ECT2L: variants seen among roughly 807,000 people sequenced by gnomAD.
ECT2L encodes the protein epithelial cell transforming 2 like.
Under a neutral mutation model 122.8 loss-of-function variants are expected in ECT2L, and 126 were observed. The ratio of observed to expected loss-of-function variants is 1.03; its 90% confidence interval spans 0.89 to 1.19. ECT2L has a LOEUF of 1.19. ECT2L is among the 50% of genes most tolerant of loss of function. The probability of loss-of-function intolerance (pLI) is 0.00; values close to 1 mark genes in which losing one functional copy is unlikely to be tolerated. For missense variants in ECT2L, 1,012 were observed against 1,064.1 expected (o/e 0.95, Z 0.68); for synonymous variants, 385 against 381.8 (o/e 1.01, Z -0.10).
chr6:138,796,755 G>A (rs938628636), intron 1 of ECT2L, among the ~76,000 whole-genome samples: 1 of 152,184 alleles, frequency 6.6e-6, no homozygotes, highest in African/African-American at 2.4e-5. Flanking sequence ...TAAAAATACC[G>A]ATGCTGTGCT....
rs78118604 is a variant in ECT2L at position 138,860,389 on chromosome 6, T to A, written c.1199-2238T>A. Among the ~76,000 whole-genome samples, 978 of 152,234 alleles carry A rather than the reference T, an allele frequency of 6.4e-3. 9 individuals are homozygous for A. The highest frequency in any genetic ancestry group is 0.022 in the African/African-American group (921 of 41,540). On this transcript the variant is annotated intron_variant, in intron 10 of 21. Transcript: ENST00000541398. ...CTAGTTGTTTCTTCACCATTCCTTA[T>A]AACTACTATCCTTTTTCCAGTGAAT...
At chr6:138,798,277 G>A (rs1292921709) in intron 1 of ECT2L, among the ~76,000 whole-genome samples, 2 of 152,182 alleles carry the variant, frequency 1.3e-5, no homozygotes, top group Non-Finnish European at 2.9e-5. Context: ...AGAGGTCAGA[G>A]GATGGAGCTG....
intron 1 of ECT2L, among the ~76,000 whole-genome samples, chr6:138,810,159 T>C (rs1049809337): frequency 6.6e-6 from 1 of 152,214 alleles, no homozygotes; most frequent in Non-Finnish European, 1.5e-5. Flanking sequence ...TTGGCTGGTT[T>C]GTAAGCAGGA....
chr6:138,810,847 C>A (rs1334201444), intron 1 of ECT2L, among the ~76,000 whole-genome samples: 1 of 152,090 alleles, frequency 6.6e-6, no homozygotes. Context: ...TATAGAGAGA[C>A]CCTTGTGAAT....
intron 4 of ECT2L, among the ~76,000 whole-genome samples, chr6:138,832,418 G>T (rs1376949801): frequency 6.6e-6 from 1 of 152,076 alleles, no homozygotes; most frequent in African/African-American, 2.4e-5. Context: ...GAGGCACATG[G>T]GATGGTTCAC....
chr6:138,815,234 G>T (rs1013499700), intron 4 of ECT2L, among the ~76,000 whole-genome samples: 4 of 152,188 alleles, frequency 2.6e-5, no homozygotes, highest in African/African-American at 7.2e-5. Flanking sequence ...AGATTGGAAG[G>T]TCACAATACC....
chr6:138,806,527 T>TTTTTTC (rs1365799853), intron 1 of ECT2L, among the ~76,000 whole-genome samples: 7 of 146,044 alleles, frequency 4.8e-5, no homozygotes, highest in African/African-American at 1.8e-4. Context: ...TTTTTTTTTT[T>TTTTTTC]TTTGAGATGG....
chr6:138,895,556 A>G (rs933021747), intron 20 of ECT2L, among the ~76,000 whole-genome samples: 2 of 149,658 alleles, frequency 1.3e-5, no homozygotes, highest in Non-Finnish European at 2.9e-5. Context: ...AGTAACAATT[A>G]CTAAACATAT....
At chr6:138,876,927 G>C (rs542745602) in intron 14 of ECT2L, among the ~76,000 whole-genome samples, 18 of 152,236 alleles carry the variant, frequency 1.2e-4, no homozygotes, top group Admixed American at 8.5e-4. Flanking sequence ...TGAATCTAAT[G>C]AACACAATGT....
At position 138,844,558 on chromosome 6, in the gene ECT2L, T is replaced by C. The variant is rs199728092; in HGVS notation, c.742T>C (p.Ser248Pro). The C allele has an allele frequency of 6.2e-7, 1 of 1,614,128 alleles. No homozygotes were observed. The highest frequency in any genetic ancestry group is 1.3e-5 in the African/African-American group (1 of 75,032). The stretch of plus-strand genomic sequence containing the variant: ...TTTGGAGAAACAGCTTGTTTTGACA[T>C]CGTTAGAAACCTTGCCCAAGCGGTA... ...EALEKQLVLT[S>P]LETLPKRSNI... Residue 248 changes from serine to proline, a missense_variant, in exon 7 of 22, where the codon TCG (serine) becomes CCG (proline). By Grantham distance (74) the Ser-to-Pro change is moderately conservative (BLOSUM62 -1). Coordinates refer to ENST00000541398, the MANE Select transcript of ECT2L (RefSeq NM_001077706.3).
rs1582651895 is a variant in ECT2L, at chr6:138,880,855, T to G, written c.1666-102T>G. On this transcript the variant is annotated intron_variant, in intron 14 of 21. Coordinates refer to ENST00000541398, the MANE Select transcript of ECT2L (RefSeq NM_001077706.3). The stretch of plus-strand genomic sequence containing the variant: ...AGCCCCCGTGAAGTCCCCTTCAACC[T>G]GAACAGCACAAACCAGCAAGGGGGG... The G allele has an allele frequency of 4.1e-6, 4 of 985,656 alleles. No homozygotes were observed. The East Asian group carries it at 1.0e-4, about 26-fold the overall frequency. The allele number at this position is 985,656 out of a possible 1,614,324, so 61.1% of individuals were successfully genotyped here. A position where few individuals can be genotyped will look rare whatever the true frequency, so the allele number is the denominator to read the frequency against.
chr6:138,863,120 A>G (rs561983533), intron 11 of ECT2L, among the ~76,000 whole-genome samples: 2 of 152,222 alleles, frequency 1.3e-5, no homozygotes, highest in Non-Finnish European at 2.9e-5. Context: ...CTTAGTTTCC[A>G]TTACAGTAGC....
At chr6:138,852,597 C>T (rs1306250989) in intron 9 of ECT2L, among the ~76,000 whole-genome samples, 1 of 152,040 alleles carries the variant, frequency 6.6e-6, no homozygotes, top group African/African-American at 2.4e-5. Context: ...GTTGGGACTT[C>T]GTGTACTTGG....
intron 14 of ECT2L, among the ~76,000 whole-genome samples, chr6:138,877,565 G>T (rs892469748): frequency 1.3e-5 from 2 of 152,130 alleles, no homozygotes; most frequent in African/African-American, 4.8e-5. Flanking sequence ...TAAGCCAACT[G>T]CCAAGTAGGA....
chr6:138,801,926 G>A (rs1200203086), intron 1 of ECT2L, among the ~76,000 whole-genome samples: 1 of 152,156 alleles, frequency 6.6e-6, no homozygotes, highest in Non-Finnish European at 1.5e-5. Context: ...ATAAAATCTG[G>A]TGGTGGGCCA....
At chr6:138,815,594 C>T (rs1776041842) in intron 4 of ECT2L, among the ~76,000 whole-genome samples, 1 of 152,192 alleles carries the variant, frequency 6.6e-6, no homozygotes, top group South Asian at 2.1e-4. Flanking sequence ...TTGAATGAAT[C>T]TTTTGCCCAG....
intron 1 of ECT2L, among the ~76,000 whole-genome samples, chr6:138,805,235 C>G (rs1055642003): frequency 4.6e-5 from 7 of 152,162 alleles, no homozygotes; most frequent in African/African-American, 1.7e-4. Flanking sequence ...CTGGTGGATG[C>G]TTGGGTTGTC....
chr6:138,865,670 C>T (rs1289545051), intron 12 of ECT2L, among the ~76,000 whole-genome samples: 1 of 152,218 alleles, frequency 6.6e-6, no homozygotes, highest in Non-Finnish European at 1.5e-5. Flanking sequence ...CACCCCAGCC[C>T]CATGACGGAA....
chr6:138,863,622 T>G (rs138076895), intron 11 of ECT2L, among the ~76,000 whole-genome samples: 2,288 of 151,792 alleles, frequency 0.015, 41 homozygotes, highest in African/African-American at 0.048. Flanking sequence ...TTTCTTTTTT[T>G]TTTTTTGAGA....
Sources: allele counts gnomAD v4.1 joint callset (sites outside exome capture counted in the v4.1 genomes callset), GRCh38; gene constraint gnomAD v4.1.1; transcripts MANE v1.5; gene names NCBI Gene and HGNC (gene_info 2026-07-23, HGNC 2026-07-21).